LINGO2: variants seen among roughly 807,000 people sequenced by gnomAD.
LINGO2 encodes leucine-rich repeat and immunoglobulin-like domain-containing nogo receptor-interacting protein 2.
LINGO2 carries 14 observed loss-of-function variants against 30.6 expected under a neutral mutation model. The observed-to-expected ratio is 0.46, with a 90% CI of 0.30 to 0.72. The LOEUF (loss-of-function observed/expected upper bound fraction) is 0.72, where lower values mean the gene tolerates loss of function less well. Among genes scored for constraint, LINGO2 ranks in the 30% least tolerant of loss-of-function variants. The probability of loss-of-function intolerance (pLI) is 0.07; values close to 1 mark genes in which losing one functional copy is unlikely to be tolerated. For missense variants in LINGO2, 729 were observed against 751.7 expected, an observed-to-expected ratio of 0.97 and a Z score of 0.35; for synonymous variants, 317 against 288.5, an observed-to-expected ratio of 1.10 and a Z score of -1.00.
the LINGO2 span, among the ~76,000 whole-genome samples, chr9:28,858,137 T>C: frequency 1.3e-5 from 2 of 151,990 alleles, no homozygotes; most frequent in Non-Finnish European, 2.9e-5. Flanking sequence ...GTTTCCATGG[T>C]AACCTTGCTT....
the LINGO2 span, among the ~76,000 whole-genome samples, chr9:29,102,814 G>T: frequency 6.6e-6 from 1 of 152,022 alleles, no homozygotes; most frequent in Non-Finnish European, 1.5e-5. Flanking sequence ...ATACACTTAG[G>T]CATTTACATG....
chr9:28,363,141 C>T (rs1261482937), intron 3 of LINGO2, among the ~76,000 whole-genome samples: 1 of 152,086 alleles, frequency 6.6e-6, no homozygotes, highest in Non-Finnish European at 1.5e-5. Context: ...TAAGGAAACT[C>T]AAGTTTAGAG....
At chr9:29,188,803 G>T in the LINGO2 span, among the ~76,000 whole-genome samples, 1 of 142,268 alleles carries the variant, frequency 7.0e-6, no homozygotes, top group Non-Finnish European at 1.5e-5. Context: ...CTCACCTTCC[G>T]GACAGGGCGG....
At chr9:28,250,943 GC>G (rs1036617585) in intron 4 of LINGO2, among the ~76,000 whole-genome samples, 13 of 151,446 alleles carry the variant, frequency 8.6e-5, no homozygotes, top group Non-Finnish European at 1.8e-4. Context: ...GTCACAAGAC[GC>G]CCTCACCATC....
chr9:28,625,315 T>C (rs566717416), intron 1 of LINGO2, among the ~76,000 whole-genome samples: 25 of 152,254 alleles, frequency 1.6e-4, no homozygotes, highest in Admixed American at 1.2e-3. Context: ...CTCTCCCAAG[T>C]GCACAGATTC....
chr9:28,579,778 CT>C (rs367913662), intron 1 of LINGO2, among the ~76,000 whole-genome samples: 31 of 152,132 alleles, frequency 2.0e-4, no homozygotes, highest in East Asian at 1.7e-3. Flanking sequence ...CCTAATATTC[CT>C]TTTCCAGAAA....
intron 2 of LINGO2, among the ~76,000 whole-genome samples, chr9:28,465,012 G>A (rs149837944): frequency 1.3e-5 from 2 of 152,258 alleles, no homozygotes; most frequent in Non-Finnish European, 1.5e-5. Flanking sequence ...AACTTTGGGC[G>A]CCGCCCCCCC....
At chr9:27,969,256 G>A (rs1334808099) in intron 5 of LINGO2, among the ~76,000 whole-genome samples, 4 of 151,960 alleles carry the variant, frequency 2.6e-5, no homozygotes, top group Non-Finnish European at 4.4e-5. Context: ...GCCACTTCAG[G>A]AGTATAATTC....
chr9:28,294,442 A>G (rs1466497293), intron 4 of LINGO2, among the ~76,000 whole-genome samples: 2 of 152,188 alleles, frequency 1.3e-5, no homozygotes, highest in East Asian at 1.9e-4. Context: ...AACTGTTAAA[A>G]TTTCGACAGT....
the LINGO2 span, among the ~76,000 whole-genome samples, chr9:28,748,730 A>C: frequency 7.2e-5 from 11 of 152,140 alleles, no homozygotes; most frequent in East Asian, 1.9e-3. Context: ...AATTTTATGA[A>C]CTCATTAGAA....
chr9:29,151,398 T>C, the LINGO2 span, among the ~76,000 whole-genome samples: 10 of 152,292 alleles, frequency 6.6e-5, no homozygotes, highest in East Asian at 1.3e-3. Flanking sequence ...AAAGCTATTA[T>C]ATCAATACTA....
the LINGO2 span, among the ~76,000 whole-genome samples, chr9:29,007,150 T>C: frequency 6.6e-6 from 1 of 152,092 alleles, no homozygotes; most frequent in East Asian, 1.9e-4. Context: ...TCAAAGGTAA[T>C]GGTAGAGAAG....
intron 4 of LINGO2, among the ~76,000 whole-genome samples, chr9:28,098,345 A>G (rs1365473820): frequency 6.6e-6 from 1 of 152,062 alleles, no homozygotes; most frequent in African/African-American, 2.4e-5. Flanking sequence ...AAAACTCTAT[A>G]CCAAAAACCA....
chr9:28,212,860 A>G (rs1820638688), intron 4 of LINGO2, among the ~76,000 whole-genome samples: 1 of 151,436 alleles, frequency 6.6e-6, no homozygotes, highest in African/African-American at 2.4e-5. Flanking sequence ...AACCAGATAC[A>G]TTTCAATGAG....
At chr9:29,189,126 CGGCTGGCCGGGCG>C in the LINGO2 span, among the ~76,000 whole-genome samples, 1 of 116,874 alleles carries the variant, frequency 8.6e-6, no homozygotes, top group Admixed American at 9.1e-5. Flanking sequence ...CCGGACGGGG[CGGCTGGCCGGGCG>C]GGGGGCTGAC....
At chr9:28,089,295 A>G (rs1826005580) in intron 4 of LINGO2, among the ~76,000 whole-genome samples, 1 of 152,184 alleles carries the variant, frequency 6.6e-6, no homozygotes. Flanking sequence ...CTTATTCCAA[A>G]ATTGACCACA....
At chr9:28,107,421 C>G (rs181666073) in intron 4 of LINGO2, among the ~76,000 whole-genome samples, 2 of 152,048 alleles carry the variant, frequency 1.3e-5, no homozygotes, top group Non-Finnish European at 2.9e-5. Flanking sequence ...GGGACAATTA[C>G]TTTCTCTTGT....
chr9:29,087,045 T>G, the LINGO2 span, among the ~76,000 whole-genome samples: 1 of 152,082 alleles, frequency 6.6e-6, no homozygotes, highest in East Asian at 1.9e-4. Flanking sequence ...CCCATTAATT[T>G]TTTGTATTTT....
chr9:28,614,039 T>C (rs531299129), intron 1 of LINGO2, among the ~76,000 whole-genome samples: 1 of 152,162 alleles, frequency 6.6e-6, no homozygotes. Flanking sequence ...ATTTGACTTA[T>C]GCCATATGGT....
Sources: gnomAD v4.1 joint callset for allele counts (sites outside exome capture counted in the v4.1 genomes callset) on GRCh38, gnomAD v4.1.1 for gene constraint, MANE v1.5 for transcripts, NCBI Gene and HGNC (gene_info 2026-07-23, HGNC 2026-07-21) for gene names.